Variants in NR2C1 observed in about 807,000 individuals in gnomAD.
The protein encoded by NR2C1 is TR2 nuclear hormone receptor.
Under a neutral mutation model 74.8 loss-of-function variants are expected in NR2C1, and 33 were observed. That is an observed-to-expected ratio of 0.44 (90% CI 0.33 to 0.59). The LOEUF (loss-of-function observed/expected upper bound fraction) is 0.59, where lower values mean the gene tolerates loss of function less well. Ranked by LOEUF, NR2C1 falls within the 20% of genes least tolerant of loss-of-function variation. NR2C1 has a pLI of 0.02. For missense variants in NR2C1, 568 were observed against 715.6 expected (o/e 0.79, Z 2.35); for synonymous variants, 225 against 240.6 (o/e 0.94, Z 0.60).
intron 1 of NR2C1, among the ~76,000 whole-genome samples, chr12:95,069,303 A>G (rs1479059384): frequency 1.3e-5 from 2 of 152,218 alleles, no homozygotes; most frequent in Non-Finnish European, 2.9e-5. Flanking sequence ...GACTCATTAG[A>G]TCAATATATA....
intron 1 of NR2C1, among the ~76,000 whole-genome samples, chr12:95,070,784 TC>T (rs1160774446): frequency 2.0e-5 from 3 of 152,152 alleles, no homozygotes; most frequent in African/African-American, 7.2e-5. Flanking sequence ...TAATCCGACT[TC>T]CCCCTATTCT....
chr12:95,032,067 C>T (rs773598673), intron 10 of NR2C1, among the ~76,000 whole-genome samples: 8 of 152,166 alleles, frequency 5.3e-5, no homozygotes, highest in African/African-American at 7.2e-5. Flanking sequence ...AAGGTTTTGC[C>T]GTCTTGACCA....
chr12:95,062,863 G>A (rs140537923), intron 2 of NR2C1, 125 bp from the exon 3 acceptor site: 21 of 684,802 alleles, frequency 3.1e-5, no homozygotes, highest in South Asian at 1.1e-4. Context: ...TTAAACTACC[G>A]ATTCTATTGC....
chr12:95,029,669 G>C (rs1869817454), intron 11 of NR2C1, among the ~76,000 whole-genome samples: 1 of 149,610 alleles, frequency 6.7e-6, no homozygotes, highest in Non-Finnish European at 1.5e-5. Flanking sequence ...GCAATTCTCT[G>C]CCTCAGCCTC....
intron 10 of NR2C1, among the ~76,000 whole-genome samples, chr12:95,034,057 A>G (rs1010949629): frequency 7.9e-5 from 12 of 152,236 alleles, no homozygotes; most frequent in Admixed American, 7.2e-4. Flanking sequence ...TAAAGCTTTA[A>G]AATTAGGATA....
chr12:95,045,421 C>G (rs1872189134), intron 9 of NR2C1, among the ~76,000 whole-genome samples: 1 of 151,874 alleles, frequency 6.6e-6, no homozygotes, highest in Non-Finnish European at 1.5e-5. Context: ...CTGGTACCAG[C>G]ACACAGGACA....
intron 1 of NR2C1, among the ~76,000 whole-genome samples, chr12:95,070,162 T>C (rs1049006050): frequency 1.4e-4 from 22 of 151,866 alleles, no homozygotes; most frequent in Non-Finnish European, 1.8e-4. Context: ...GACAGAATCT[T>C]GCTCTGTCAC....
At chr12:95,040,069 C>G (rs1395869123) in intron 10 of NR2C1, among the ~76,000 whole-genome samples, 1 of 151,874 alleles carries the variant, frequency 6.6e-6, no homozygotes, top group African/African-American at 2.4e-5. Flanking sequence ...TTAACATAAC[C>G]ACTGTAGGCA....
chr12:95,023,125 C>G (rs1868957831), intron 13 of NR2C1, among the ~76,000 whole-genome samples: 1 of 151,736 alleles, frequency 6.6e-6, no homozygotes, highest in South Asian at 2.1e-4. Flanking sequence ...AACCTCATCT[C>G]TACTAAAAAA....
chr12:95,041,520 A>AT (rs1871528787), intron 9 of NR2C1, among the ~76,000 whole-genome samples: 1 of 152,066 alleles, frequency 6.6e-6, no homozygotes, highest in South Asian at 2.1e-4. Context: ...CTGGCACTAA[A>AT]TAAAAAAAAA....
At chr12:95,025,658 T>TA (rs11291964) in intron 12 of NR2C1, among the ~76,000 whole-genome samples, 2,286 of 86,472 alleles carry the variant, frequency 0.026, 48 homozygotes, top group African/African-American at 0.03. Context: ...AACTCTGTCT[T>TA]AAAAAAAAAA....
intron 9 of NR2C1, among the ~76,000 whole-genome samples, chr12:95,041,275 C>T (rs1035228934): frequency 6.6e-6 from 1 of 152,002 alleles, no homozygotes; most frequent in Non-Finnish European, 1.5e-5. Flanking sequence ...ATCACGATGT[C>T]GAGAGATCGA....
At chr12:95,054,050 A>T (rs1008173047) in intron 7 of NR2C1, among the ~76,000 whole-genome samples, 2 of 152,222 alleles carry the variant, frequency 1.3e-5, no homozygotes, top group African/African-American at 4.8e-5. Flanking sequence ...TATAACAATC[A>T]GTTTCTGTGA....
At chr12:95,038,119 T>C (rs566703753) in intron 10 of NR2C1, among the ~76,000 whole-genome samples, 233 of 152,306 alleles carry the variant, frequency 1.5e-3, no homozygotes, top group Middle Eastern at 3.4e-3. Flanking sequence ...CAAAGAATCT[T>C]GTGGTTGTTA....
Position 95,054,943 on chromosome 12 carries a change from G to A in NR2C1, c.783+2610C>T, listed in dbSNP as rs57983470. Among the ~76,000 whole-genome samples the A allele has an allele frequency of 6.4e-3, 980 of 152,238 alleles. 12 individuals carry two copies. The highest frequency in any genetic ancestry group is 0.022 in the African/African-American group (925 of 41,544). On this transcript the variant is annotated intron_variant, in intron 7 of 13. Coordinates refer to ENST00000333003, the MANE Select transcript of NR2C1 (RefSeq NM_003297.4). ...GTGTCCCTGGGTACTTGAGATTAGG[G>A]AGTGGTGATGATTCTTAACGAGCAT...
chr12:95,059,377 A>C (rs1471377293), intron 4 of NR2C1, among the ~76,000 whole-genome samples: 1 of 152,026 alleles, frequency 6.6e-6, no homozygotes, highest in Non-Finnish European at 1.5e-5. Flanking sequence ...TACAAATCAT[A>C]TTAAATTGCA....
chr12:95,059,953 G>C lies in NR2C1; in HGVS notation c.317C>G (p.Pro106Arg), dbSNP rs1592782537. 6.5e-7 allele frequency: 1 copy of C among 1,533,282 alleles called. No homozygotes were observed. Among genetic ancestry groups the C allele is most frequent in the South Asian group, 1.2e-5 (1 of 84,960 alleles). 95.0% of individuals were successfully genotyped at this position (1,533,282 alleles called of 1,614,324 possible). Residue 106 changes from proline (P) to arginine (R), a missense_variant, in exon 4 of 14, where the codon CCA (proline) becomes CGA (arginine). Physicochemically the swap from Pro to Arg is moderately radical, Grantham distance 103. Transcript: ENST00000333003. ...TACGCAAAGATCAAAAACCTTATTT[G>C]GTCCTTGGTCTGGAGAATTATCTGT... The part of the protein sequence containing the change: ...LLTDNSPDQG[P>R]NKVFDLCVVC...
chr12:95,050,627 CAT>C (rs1491150235), intron 8 of NR2C1, among the ~76,000 whole-genome samples: 1 of 151,648 alleles, frequency 6.6e-6, no homozygotes, highest in Non-Finnish European at 1.5e-5. Context: ...GTATTTTTAT[CAT>C]ATCTTTTTTT....
At chr12:95,034,325 T>C (rs1383976147) in intron 10 of NR2C1, among the ~76,000 whole-genome samples, 1 of 152,164 alleles carries the variant, frequency 6.6e-6, no homozygotes, top group Non-Finnish European at 1.5e-5. Flanking sequence ...AAAACCGGTA[T>C]TTTATAATAT....
Sources: gnomAD v4.1 joint callset for allele counts (sites outside exome capture counted in the v4.1 genomes callset) on GRCh38, gnomAD v4.1.1 for gene constraint, MANE v1.5 for transcripts, NCBI Gene and HGNC (gene_info 2026-07-23, HGNC 2026-07-21) for gene names.